IQCJ: variants seen among roughly 807,000 people sequenced by gnomAD.
IQCJ encodes the protein IQ domain-containing protein J.
A neutral mutation model predicts 11.0 loss-of-function variants in IQCJ; 9 were observed. The ratio of observed to expected loss-of-function variants is 0.82; its 90% CI spans 0.49 to 1.43. The LOEUF (loss-of-function observed/expected upper bound fraction) is 1.43, where lower values mean the gene tolerates loss of function less well. Ranked by LOEUF, IQCJ falls within the 40% of genes most tolerant of loss-of-function variation. The pLI is 0.00. For missense variants in IQCJ, 146 were observed against 133.2 expected (o/e 1.10, Z -0.47); for synonymous variants, 55 against 51.3 (o/e 1.07, Z -0.31).
intron 1 of IQCJ, among the ~76,000 whole-genome samples, chr3:159,075,024 C>T (rs1307197860): frequency 6.6e-6 from 1 of 152,082 alleles, no homozygotes; most frequent in East Asian, 1.9e-4. Context: ...ATTGATTTAA[C>T]ATGAACCAAA....
intron 1 of IQCJ, among the ~76,000 whole-genome samples, chr3:159,172,959 G>A (rs1465338282): frequency 6.6e-6 from 1 of 152,116 alleles, no homozygotes; most frequent in African/African-American, 2.4e-5. Flanking sequence ...CACTGCGTAA[G>A]ACAATATATA....
At chr3:159,182,251 C>A (rs1267904237) in intron 1 of IQCJ, among the ~76,000 whole-genome samples, 1 of 151,912 alleles carries the variant, frequency 6.6e-6, no homozygotes, top group African/African-American at 2.4e-5. Context: ...CCAATGACAG[C>A]TGTGCCCCAA....
intron 1 of IQCJ, among the ~76,000 whole-genome samples, chr3:159,169,203 G>A (rs1318435314): frequency 6.6e-6 from 1 of 150,732 alleles, no homozygotes; most frequent in African/African-American, 2.4e-5. Flanking sequence ...GTATAACTTG[G>A]AAATAAAAGT....
At chr3:159,246,731 C>A (rs1727295115) in intron 2 of IQCJ, among the ~76,000 whole-genome samples, 1 of 152,130 alleles carries the variant, frequency 6.6e-6, no homozygotes, top group South Asian at 2.1e-4. Context: ...CTACAAAGAG[C>A]TGAGGATGTG....
At chr3:159,168,406 G>T (rs969439312) in intron 1 of IQCJ, among the ~76,000 whole-genome samples, 3 of 152,116 alleles carry the variant, frequency 2.0e-5, no homozygotes, top group African/African-American at 4.8e-5. Flanking sequence ...ATGATCAATG[G>T]TTTTAAAAGA....
chr3:159,140,847 C>G (rs1469444347), intron 1 of IQCJ, among the ~76,000 whole-genome samples: 1 of 152,160 alleles, frequency 6.6e-6, no homozygotes, highest in East Asian at 1.9e-4. Flanking sequence ...AATGTGTTGT[C>G]TCACAGATGC....
At chr3:159,243,519 A>G (rs936359771) in intron 1 of IQCJ, among the ~76,000 whole-genome samples, 1 of 152,238 alleles carries the variant, frequency 6.6e-6, no homozygotes, top group Non-Finnish European at 1.5e-5. Flanking sequence ...AGCTGGACAC[A>G]AAAGAATAGA....
chr3:159,167,176 T>C (rs1030634600), intron 1 of IQCJ, among the ~76,000 whole-genome samples: 1 of 152,226 alleles, frequency 6.6e-6, no homozygotes, highest in African/African-American at 2.4e-5. Context: ...CATTTGAACA[T>C]GAAAATCTAC....
At chr3:159,107,991 G>A (rs1408412844) in intron 1 of IQCJ, among the ~76,000 whole-genome samples, 1 of 111,560 alleles carries the variant, frequency 9.0e-6, no homozygotes, top group African/African-American at 3.6e-5. Context: ...TGTGCATGTT[G>A]CACCTATGGT....
intron 1 of IQCJ, among the ~76,000 whole-genome samples, chr3:159,109,659 G>A (rs1718500363): frequency 6.6e-6 from 1 of 151,906 alleles, no homozygotes; most frequent in African/African-American, 2.4e-5. Flanking sequence ...TTTGGTGTGG[G>A]TGTGTGGGTG....
intron 1 of IQCJ, among the ~76,000 whole-genome samples, chr3:159,089,654 C>CTTCAT (rs1717089297): frequency 6.6e-6 from 1 of 151,696 alleles, no homozygotes; most frequent in Non-Finnish European, 1.5e-5. Context: ...TCCCTTCTCG[C>CTTCAT]TTCATTTCAT....
At chr3:159,128,346 A>G (rs967323040) in intron 1 of IQCJ, among the ~76,000 whole-genome samples, 3 of 152,226 alleles carry the variant, frequency 2.0e-5, no homozygotes, top group Non-Finnish European at 2.9e-5. Context: ...AGAAATCCAG[A>G]CATTAAGAAT....
At chr3:159,113,386 C>T (rs909432221) in intron 1 of IQCJ, among the ~76,000 whole-genome samples, 8 of 152,088 alleles carry the variant, frequency 5.3e-5, no homozygotes, top group African/African-American at 7.2e-5. Context: ...TTTTGCTCAG[C>T]GTAGACTGTA....
At chr3:159,142,360 G>T (rs1720652572) in intron 1 of IQCJ, among the ~76,000 whole-genome samples, 1 of 152,142 alleles carries the variant, frequency 6.6e-6, no homozygotes, top group Non-Finnish European at 1.5e-5. Flanking sequence ...CACGGGCTTT[G>T]TCCGTGAGAA....
intron 3 of IQCJ, among the ~76,000 whole-genome samples, chr3:159,256,369 G>A (rs1727895889): frequency 6.6e-6 from 1 of 152,162 alleles, no homozygotes; most frequent in African/African-American, 2.4e-5. Context: ...GAGAGAGAGA[G>A]AAAGACAGAG....
At chr3:159,073,837 C>T (rs1715741592) in intron 1 of IQCJ, among the ~76,000 whole-genome samples, 1 of 152,170 alleles carries the variant, frequency 6.6e-6, no homozygotes, top group Non-Finnish European at 1.5e-5. Context: ...ACAATCTCGA[C>T]TGAGGGCTGA....
intron 1 of IQCJ, among the ~76,000 whole-genome samples, chr3:159,206,179 T>G (rs1724648347): frequency 6.6e-6 from 1 of 152,204 alleles, no homozygotes; most frequent in Non-Finnish European, 1.5e-5. Context: ...CCCTTTTCAA[T>G]GGAACATGCT....
At chr3:159,090,814 C>G (rs1717221889) in intron 1 of IQCJ, among the ~76,000 whole-genome samples, 1 of 151,802 alleles carries the variant, frequency 6.6e-6, no homozygotes, top group African/African-American at 2.4e-5. Context: ...TTTCTTTTCA[C>G]AAAATTAATC....
chr3:159,196,253 C>T (rs1228729580), intron 1 of IQCJ, among the ~76,000 whole-genome samples: 1 of 152,144 alleles, frequency 6.6e-6, no homozygotes, highest in Non-Finnish European at 1.5e-5. Context: ...TATCTTCTAA[C>T]AAGTCTCTGA....
Sources: gnomAD v4.1 joint callset for allele counts (sites outside exome capture counted in the v4.1 genomes callset) on GRCh38, gnomAD v4.1.1 for gene constraint, MANE v1.5 for transcripts, NCBI Gene and HGNC (gene_info 2026-07-23, HGNC 2026-07-21) for gene names.